Variants in DLGAP4 observed in about 807,000 individuals in gnomAD.
The protein encoded by DLGAP4 is disks large-associated protein 4.
DLGAP4 carries 18 observed loss-of-function variants against 86.9 expected under a neutral mutation model. The ratio of observed to expected loss-of-function variants is 0.21; its 90% CI spans 0.14 to 0.31. DLGAP4 has a LOEUF of 0.31. Among genes scored for constraint, DLGAP4 ranks in the 10% least tolerant of loss-of-function variants. The pLI is 1.00. For missense variants in DLGAP4, 1,085 were observed against 1,362.6 expected (o/e 0.80, Z 3.21); for synonymous variants, 548 against 574.3 (o/e 0.95, Z 0.65).
intron 2 of DLGAP4, among the ~76,000 whole-genome samples, chr20:36,373,052 GA>G (rs1177705234): frequency 6.6e-6 from 1 of 152,116 alleles, no homozygotes; most frequent in Non-Finnish European, 1.5e-5. Context: ...CCTGCCTAGG[GA>G]GATGCTCAGA....
chr20:36,456,318 G>C (rs2033877806), intron 7 of DLGAP4, among the ~76,000 whole-genome samples: 1 of 152,196 alleles, frequency 6.6e-6, no homozygotes, highest in Admixed American at 6.5e-5. Context: ...TGCCCCCTGT[G>C]CGTGGGAGCC....
intron 1 of DLGAP4, among the ~76,000 whole-genome samples, chr20:36,332,154 G>A (rs1569458939): frequency 6.6e-6 from 1 of 152,156 alleles, no homozygotes; most frequent in Non-Finnish European, 1.5e-5. Context: ...CCCAGGAGAA[G>A]GCTGGGCCAG....
At chr20:36,412,743 T>C (rs1208692026) in intron 2 of DLGAP4, among the ~76,000 whole-genome samples, 4 of 152,222 alleles carry the variant, frequency 2.6e-5, no homozygotes, top group African/African-American at 4.8e-5. Flanking sequence ...TGGGAGTTCA[T>C]GTAACAACCG....
intron 2 of DLGAP4, among the ~76,000 whole-genome samples, chr20:36,383,139 C>A (rs1276474768): frequency 6.6e-6 from 1 of 152,196 alleles, no homozygotes; most frequent in South Asian, 2.1e-4. Flanking sequence ...GCTTTAGAAG[C>A]ACAGAGTTGC....
In DLGAP4 at chr20:36,431,017, G is replaced by A. The variant is rs1258388542; in HGVS notation, c.-72-629G>A. On this transcript the variant is annotated intron_variant, in intron 2 of 12. Transcript: ENST00000339266. The surrounding 1 kb of genome is among the most constrained non-coding windows in gnomAD (Gnocchi z 5.1). ...AAAAGTCCATGTTTTTCCCCATAAG[G>A]CAAGGAGAGTTCAGGAGCCCTGGGG... Among the ~76,000 whole-genome samples the A allele has an allele frequency of 6.6e-6, 1 of 151,156 alleles. No homozygotes were observed. Among genetic ancestry groups the A allele is most frequent in the Admixed American group, 6.6e-5 (1 of 15,190 alleles).
intron 2 of DLGAP4, among the ~76,000 whole-genome samples, chr20:36,429,665 C>T (rs541394286): frequency 1.3e-5 from 2 of 152,212 alleles, no homozygotes; most frequent in African/African-American, 4.8e-5. Flanking sequence ...CCTTGGCCTC[C>T]AAAAGTGCTG....
chr20:36,313,236 C>T (rs1172057640), intron 1 of DLGAP4, among the ~76,000 whole-genome samples: 1 of 152,122 alleles, frequency 6.6e-6, no homozygotes, highest in Non-Finnish European at 1.5e-5. Flanking sequence ...AGCTTGTAAA[C>T]GGGAATCTGG....
At chr20:36,334,204 G>A (rs1305080764) in intron 1 of DLGAP4, among the ~76,000 whole-genome samples, 1 of 152,204 alleles carries the variant, frequency 6.6e-6, no homozygotes, top group African/African-American at 2.4e-5. Context: ...AAATGCTACA[G>A]TGTGGAAAAC....
At chr20:36,455,297 C>T (rs1400984126) in intron 7 of DLGAP4, among the ~76,000 whole-genome samples, 1 of 152,034 alleles carries the variant, frequency 6.6e-6, no homozygotes, top group Non-Finnish European at 1.5e-5. Flanking sequence ...CCTTCCTTCC[C>T]TCTCAGTTTC....
chr20:36,454,727 T>C (rs1459122041), intron 7 of DLGAP4, among the ~76,000 whole-genome samples: 1 of 152,212 alleles, frequency 6.6e-6, no homozygotes, highest in Non-Finnish European at 1.5e-5. Context: ...GAGGCATCTG[T>C]GCACTCAGGT....
intron 2 of DLGAP4, among the ~76,000 whole-genome samples, chr20:36,422,935 CT>C (rs2032868823): frequency 6.6e-6 from 1 of 152,154 alleles, no homozygotes; most frequent in Non-Finnish European, 1.5e-5. Flanking sequence ...CAAGGCCTGC[CT>C]ATTTTAAGAC....
chr20:36,369,521 A>C (rs893774124), intron 2 of DLGAP4, among the ~76,000 whole-genome samples: 1 of 152,156 alleles, frequency 6.6e-6, no homozygotes, highest in Non-Finnish European at 1.5e-5. Flanking sequence ...TGAGCCCAGG[A>C]GACAGAGGTT....
intron 2 of DLGAP4, among the ~76,000 whole-genome samples, chr20:36,377,867 C>T (rs955356314): frequency 2.0e-5 from 3 of 152,206 alleles, no homozygotes; most frequent in Admixed American, 6.5e-5. Flanking sequence ...ATCAGCTCTT[C>T]GGGGGATTGG....
rs189019058 is a variant in DLGAP4 at position 36,341,574 on chromosome 20, T to C, written c.-303-25471T>C. 2.5e-3 allele frequency among the ~76,000 whole-genome samples: 384 copies of C among 152,340 alleles called. 1 individual carries two copies. Among genetic ancestry groups the C allele is most frequent in the Middle Eastern group, 6.8e-3 (2 of 294 alleles). ...GTTTCCATCCTTCCTGGTTTAGAGA[T>C]GAAGAACGACGTGCAGGGGGCCACA... is the stretch of plus-strand genomic sequence containing the variant. On this transcript the variant is annotated intron_variant, in intron 1 of 12. Coordinates refer to ENST00000339266, the MANE Select transcript of DLGAP4 (RefSeq NM_001365621.2).
chr20:36,421,752 C>T lies in DLGAP4; in HGVS notation c.-72-9894C>T, dbSNP rs576782725. On this transcript the variant is annotated intron_variant, in intron 2 of 12. Transcript: ENST00000339266. ...GAGTAGAATCGGGGCAGACTGTGGGCGGAGCAGGTCGGGGCGGGTGAGAGA... is the reference window on the plus strand; with the variant it reads ...GAGTAGAATCGGGGCAGACTGTGGGTGGAGCAGGTCGGGGCGGGTGAGAGA... 9.5e-4 allele frequency among the ~76,000 whole-genome samples: 145 copies of T among 152,038 alleles called. 1 individual carries two copies. Among genetic ancestry groups the T allele is most frequent in the African/African-American group, 3.2e-3 (134 of 41,484 alleles).
chr20:36,490,166 T>A (rs1207872953), intron 7 of DLGAP4, among the ~76,000 whole-genome samples: 1 of 152,106 alleles, frequency 6.6e-6, no homozygotes, highest in Non-Finnish European at 1.5e-5. Context: ...CCAGTGTTGC[T>A]ATTTCTTAAG....
At chr20:36,327,833 C>T (rs1474087265) in intron 1 of DLGAP4, among the ~76,000 whole-genome samples, 4 of 147,086 alleles carry the variant, frequency 2.7e-5, no homozygotes, top group African/African-American at 4.9e-5. Context: ...CCTCGTGATC[C>T]GCCCGCCTCG....
intron 7 of DLGAP4, chr20:36,465,438 G>A (rs2034306619): frequency 6.6e-6 from 1 of 152,402 alleles, no homozygotes; most frequent in East Asian, 1.9e-4. Flanking sequence ...AGCAGTGACA[G>A]GCAAACTTGT....
Position 36,450,741 on chromosome 20 carries a change from A to G in DLGAP4, c.1648+3804A>G, listed in dbSNP as rs112684013. Among the ~76,000 whole-genome samples, 1,452 of 152,222 alleles carry G rather than the reference A, an allele frequency of 9.5e-3. 26 individuals are homozygous for G. The highest frequency in any genetic ancestry group is 0.034 in the African/African-American group (1,406 of 41,506). ...CTACCCTACAGTCTAACCCTCCCCA[A>G]CCACACAGCATACACTGGTGAAACA... On this transcript the variant is annotated intron_variant, in intron 7 of 12. Coordinates refer to ENST00000339266, the MANE Select transcript of DLGAP4 (RefSeq NM_001365621.2).
Sources: allele counts gnomAD v4.1 joint callset (sites outside exome capture counted in the v4.1 genomes callset), GRCh38; gene constraint gnomAD v4.1.1; non-coding constraint Gnocchi (gnomAD v3.1); transcripts MANE v1.5; gene names NCBI Gene and HGNC (gene_info 2026-07-23, HGNC 2026-07-21).